Variants in UBE3C observed in about 807,000 individuals in gnomAD.
UBE3C encodes the protein ubiquitin protein ligase E3C, also known as ubiquitin-protein ligase E3C.
Under a neutral mutation model 129.4 loss-of-function variants are expected in UBE3C, and 42 were observed. The ratio of observed to expected loss-of-function variants is 0.32; its 90% confidence interval spans 0.25 to 0.42. UBE3C has a LOEUF of 0.42. Ranked by LOEUF, UBE3C falls within the 10% of genes least tolerant of loss-of-function variation. The pLI, the probability that UBE3C is intolerant of heterozygous loss-of-function variation, is 1.00. For synonymous variants in UBE3C, 510 were observed against 492.4 expected, an observed-to-expected ratio of 1.04 and a Z score of -0.47; for missense variants, 1,049 against 1,319.1, an observed-to-expected ratio of 0.80 and a Z score of 3.17.
intron 4 of UBE3C, among the ~76,000 whole-genome samples, chr7:157,174,085 G>T (rs534064029): frequency 6.6e-6 from 1 of 152,164 alleles, no homozygotes; most frequent in Non-Finnish European, 1.5e-5. Flanking sequence ...TATCTTTGCC[G>T]AGGGTGGTGG....
chr7:157,142,212 G>A (rs1402381138), intron 1 of UBE3C, among the ~76,000 whole-genome samples: 1 of 152,134 alleles, frequency 6.6e-6, no homozygotes, highest in African/African-American at 2.4e-5. Context: ...GAAAAATGAA[G>A]TTATAGTGAC....
At chr7:157,193,665 T>TG (rs1029390772) in intron 10 of UBE3C, among the ~76,000 whole-genome samples, 1 of 151,520 alleles carries the variant, frequency 6.6e-6, no homozygotes, top group Non-Finnish European at 1.5e-5. Flanking sequence ...ATTTGTCTTT[T>TG]TTTTTTTTTT....
Position 157,267,976 on chromosome 7 carries a change from G to A in UBE3C, c.*221G>A, listed in dbSNP as rs1797125525. ...CTTTTCAAATAACTTAAAATAACAC[G>A]TTATGTGCCATGTGGCTACTTTAGT... On this transcript the variant is annotated 3_prime_UTR_variant, in exon 23 of 23. Transcript: ENST00000348165. 4.7e-6 allele frequency: 2 copies of A among 424,160 alleles called. No homozygotes were observed. Among genetic ancestry groups the A allele is most frequent in the African/African-American group, 2.1e-5 (1 of 48,262 alleles). The allele number at this position is 424,160 out of a possible 1,614,324, so 26.3% of individuals were successfully genotyped here.
chr7:157,160,084 T>A (rs926746855), intron 1 of UBE3C, among the ~76,000 whole-genome samples: 14 of 152,020 alleles, frequency 9.2e-5, no homozygotes, highest in Admixed American at 9.2e-4. Context: ...TTTTTTCTTT[T>A]TTTTTTCTGA....
At chr7:157,191,120 C>T (rs1297024165) in intron 10 of UBE3C, among the ~76,000 whole-genome samples, 4 of 152,208 alleles carry the variant, frequency 2.6e-5, no homozygotes, top group African/African-American at 9.7e-5. Flanking sequence ...TTTATTTCAA[C>T]ATATGCTTGA....
intron 17 of UBE3C, among the ~76,000 whole-genome samples, chr7:157,228,759 TGAATGG>T (rs543348898): frequency 6.6e-6 from 1 of 152,308 alleles, no homozygotes; most frequent in East Asian, 1.9e-4. Context: ...CACTGCTCAG[TGAATGG>T]GAACTTGGTA....
At chr7:157,180,223 C>T (rs1563043478) in intron 6 of UBE3C, among the ~76,000 whole-genome samples, 1 of 152,172 alleles carries the variant, frequency 6.6e-6, no homozygotes, top group Non-Finnish European at 1.5e-5. Context: ...TGTTATTGCA[C>T]ATTCTGTGCC....
At chr7:157,216,727 T>C (rs939453272) in intron 13 of UBE3C, 140 bp from the exon 14 acceptor site, 6 of 663,026 alleles carry the variant, frequency 9.0e-6, no homozygotes, top group Non-Finnish European at 1.6e-5. Context: ...GAAGCCCTTT[T>C]CTGTGAGCGG....
chr7:157,193,704 A>G (rs1227086670), intron 10 of UBE3C, among the ~76,000 whole-genome samples: 1 of 150,448 alleles, frequency 6.6e-6, no homozygotes, highest in African/African-American at 2.5e-5. Context: ...ATTAGTAAGC[A>G]GACATTTGAA....
chr7:157,218,855 C>G (rs967046009), intron 14 of UBE3C, among the ~76,000 whole-genome samples: 5 of 152,124 alleles, frequency 3.3e-5, no homozygotes, highest in Admixed American at 1.3e-4. Context: ...ACAGCTAACT[C>G]TGAGTTCGCA....
chr7:157,207,352 C>T, intron 11 of UBE3C, 46 bp from the exon 12 acceptor site: 1 of 1,580,856 alleles, frequency 6.3e-7, no homozygotes, highest in Non-Finnish European at 8.5e-7. Context: ...CAAACTAAGA[C>T]TAATTTTAAA....
chr7:157,167,121 G>C (rs989864247), intron 2 of UBE3C, among the ~76,000 whole-genome samples: 1 of 152,028 alleles, frequency 6.6e-6, no homozygotes, highest in Non-Finnish European at 1.5e-5. Flanking sequence ...AGTAGAGATG[G>C]AGTTTCACCA....
rs371300314 is a variant in UBE3C at position 157,262,409 on chromosome 7, CTTTTTTTTTT to C, written c.3082-5158_3082-5149del. Among the ~76,000 whole-genome samples the C allele has an allele frequency of 1.7e-4, 9 of 54,038 alleles. 1 individual carries two copies. Among genetic ancestry groups the C allele is most frequent in the East Asian group, 1.4e-3 (2 of 1,414 alleles). The allele number at this position is 54,038 out of a possible 152,430, so 35.5% of individuals were successfully genotyped here. The stretch of plus-strand genomic sequence containing the variant: ...AGAATCATGTAAGTCTCTTCATAGG[CTTTTTTTTTT>C]TTTTTTTTTTTTTTTTTGAGATAGA... On this transcript the variant is annotated intron_variant, in intron 22 of 22. Transcript: ENST00000348165.
At position 157,139,129 on chromosome 7, in the gene UBE3C, G is replaced by T; in HGVS notation, c.-144G>T. On this transcript the variant is annotated 5_prime_UTR_variant, in exon 1 of 23. Transcript: ENST00000348165. ...GGCTGGGAGGGTACAGCCCGGGGGC[G>T]GGCTCGGGTCGCCTCCCGGCCGCCG... The T allele has an allele frequency of 3.4e-6, 1 of 296,538 alleles. No homozygotes were observed. Among genetic ancestry groups the T allele is most frequent in the Non-Finnish European group, 5.0e-6 (1 of 198,278 alleles). The allele number at this position is 296,538 out of a possible 1,614,324, so 18.4% of individuals were successfully genotyped here. A position where few individuals can be genotyped will look rare whatever the true frequency, so the allele number is the denominator to read the frequency against.
At chr7:157,161,342 T>A (rs963166762) in intron 1 of UBE3C, among the ~76,000 whole-genome samples, 1 of 152,206 alleles carries the variant, frequency 6.6e-6, no homozygotes, top group African/African-American at 2.4e-5. Context: ...CATGAATCAT[T>A]TTAATTAAGT....
At chr7:157,225,697 C>G (rs1795856896) in intron 17 of UBE3C, among the ~76,000 whole-genome samples, 158 bp downstream of exon 17, 1 of 152,086 alleles carries the variant, frequency 6.6e-6, no homozygotes, top group African/African-American at 2.4e-5. Context: ...ACCTATAATC[C>G]CAGCACTTTG....
At chr7:157,141,087 C>T (rs900461352) in intron 1 of UBE3C, among the ~76,000 whole-genome samples, 1 of 152,234 alleles carries the variant, frequency 6.6e-6, no homozygotes, top group East Asian at 1.9e-4. Context: ...GCTGCCCCTC[C>T]GGGATGAGGG....
Position 157,139,296 on chromosome 7 carries a change from C to A in UBE3C, c.24C>A (p.Phe8Leu). The A allele has an allele frequency of 1.3e-6, 2 of 1,583,184 alleles. No homozygotes were observed. Among genetic ancestry groups the A allele is most frequent in the Non-Finnish European group, 1.7e-6 (2 of 1,171,818 alleles). MFSFEGDFKTRPKVSLGG... is the reference protein window; with the variant it reads MFSFEGDLKTRPKVSLGG... ...GGATGTTCAGCTTCGAAGGCGACTTCAAGACGCGGCCCAAGGTGTCCCTTG... is the reference window on the plus strand; with the variant it reads ...GGATGTTCAGCTTCGAAGGCGACTTAAAGACGCGGCCCAAGGTGTCCCTTG... Residue 8 changes from phenylalanine to leucine, a missense_variant, in exon 1 of 23, where the codon TTC becomes TTA. Transcript: ENST00000348165.
At chr7:157,149,833 A>G (rs573591982) in intron 1 of UBE3C, among the ~76,000 whole-genome samples, 14 of 152,306 alleles carry the variant, frequency 9.2e-5, no homozygotes, top group African/African-American at 3.1e-4. Flanking sequence ...GAAGTGGGGC[A>G]TCTTATTCTT....
Sources: allele counts gnomAD v4.1 joint callset (sites outside exome capture counted in the v4.1 genomes callset), GRCh38; gene constraint gnomAD v4.1.1; transcripts MANE v1.5; gene names NCBI Gene and HGNC (gene_info 2026-07-23, HGNC 2026-07-21).